The following SSR3 variants were observed in gnomAD, a reference collection of about 807,000 sequenced individuals.
SSR3 encodes translocon-associated protein subunit gamma.
A neutral mutation model predicts 22.1 loss-of-function variants in SSR3; 10 were observed. That is an observed-to-expected ratio of 0.45 (90% confidence interval 0.28 to 0.77). The LOEUF (loss-of-function observed/expected upper bound fraction) is 0.77, where lower values mean the gene tolerates loss of function less well. Ranked by LOEUF, SSR3 falls within the 30% of genes least tolerant of loss-of-function variation. SSR3 has a pLI of 0.13. For synonymous variants in SSR3, 104 were observed against 82.5 expected (o/e 1.26, Z -1.42); for missense variants, 181 against 220.5 (o/e 0.82, Z 1.13).
intron 4 of SSR3, 58 bp from the exon 5 acceptor site, chr3:156,543,327 A>G: frequency 2.2e-6 from 3 of 1,345,554 alleles, no homozygotes; most frequent in South Asian, 2.4e-5. Flanking sequence ...TTTTTGAGAA[A>G]ATAAAGAGCC....
intron 4 of SSR3, 80 bp downstream of exon 4, chr3:156,544,228 A>ATGG (rs1719676881): frequency 7.4e-7 from 1 of 1,347,732 alleles, no homozygotes; most frequent in African/African-American, 1.5e-5. Flanking sequence ...CTTTCCACTA[A>ATGG]AATATCCAGA....
At chr3:156,548,367 C>G (rs548661877) in intron 3 of SSR3, among the ~76,000 whole-genome samples, 9 of 152,324 alleles carry the variant, frequency 5.9e-5, no homozygotes, top group Non-Finnish European at 1.2e-4. Context: ...TATGGGATAT[C>G]CCTCGGGAAG....
chr3:156,548,449 T>A (rs1237842559), intron 3 of SSR3, among the ~76,000 whole-genome samples: 1 of 152,218 alleles, frequency 6.6e-6, no homozygotes, highest in African/African-American at 2.4e-5. Context: ...GGTTAGGCGA[T>A]ATGTTCAAGG....
At chr3:156,548,752 A>G (rs1719846228) in intron 3 of SSR3, 153 bp downstream of exon 3, 1 of 889,580 alleles carries the variant, frequency 1.1e-6, no homozygotes, top group Non-Finnish European at 1.7e-6. Context: ...AAAACTCTAA[A>G]AGTCAGCTAT....
At chr3:156,553,954 T>G (rs1287543065) in intron 1 of SSR3, 173 bp from the exon 2 acceptor site, 1 of 524,234 alleles carries the variant, frequency 1.9e-6, no homozygotes, top group African/African-American at 2.0e-5. Context: ...AACAGTATAG[T>G]CTCAAGCTTT....
At chr3:156,554,531 C>T (rs1468978940) in intron 1 of SSR3, among the ~76,000 whole-genome samples, 2 of 152,194 alleles carry the variant, frequency 1.3e-5, no homozygotes, top group African/African-American at 2.4e-5. Context: ...ACTTATAATT[C>T]AGTGGGTCAC....
rs1444751926 is a variant in SSR3 at position 156,555,068 on chromosome 3, TGGAGCTGCCTTTAGGAGCCATGGC to T, written c.-3_21del. 6.2e-7 allele frequency: 1 copy of T among 1,613,878 alleles called. No homozygotes were observed. Among genetic ancestry groups the T allele is most frequent in the Non-Finnish European group, 8.5e-7 (1 of 1,179,934 alleles). On this transcript the variant is annotated start_lost and 5_prime_UTR_variant, in exon 1 of 5. Transcript: ENST00000265044. ...AGCAGGTCCTCCTCAGACTGCTGTT[TGGAGCTGCCTTTAGGAGCCATGGC>T]GGAGCTGCAGGCGAGAACAGGGAAC...
At chr3:156,548,865 C>G (rs768176256) in intron 3 of SSR3, 40 bp downstream of exon 3, 49 of 1,594,980 alleles carry the variant, frequency 3.1e-5, no homozygotes, top group Non-Finnish European at 3.9e-5. Context: ...CTTCAAAGTA[C>G]CCCCTTTTAT....
rs1719588858 is a variant in SSR3, at chr3:156,542,452, A to G, written c.*751T>C. On this transcript the variant is annotated 3_prime_UTR_variant, in exon 5 of 5. Transcript: ENST00000265044. ...AGGGTGTGAGACCCTGGTCAAGGAA[A>G]ACAGTGATTCCTGTGTCTTAGTAAG... 1 of 152,244 alleles carries G rather than the reference A, an allele frequency of 6.6e-6. No homozygotes were observed. The highest frequency in any genetic ancestry group is 6.5e-5 in the Admixed American group (1 of 15,288). The allele number at this position is 152,244 out of a possible 1,614,324, so 9.4% of individuals were successfully genotyped here.
chr3:156,543,761 G>A (rs1227533512), intron 4 of SSR3, among the ~76,000 whole-genome samples: 4 of 152,176 alleles, frequency 2.6e-5, no homozygotes, highest in South Asian at 2.1e-4. Flanking sequence ...GAAGGTACAC[G>A]TTGGAGGGTA....
intron 1 of SSR3, chr3:156,554,713 G>C (rs1025548397): frequency 1.9e-6 from 1 of 523,170 alleles, no homozygotes; most frequent in East Asian, 3.3e-5. Flanking sequence ...CTTCTCCTGG[G>C]GTGGAGCTCG....
chr3:156,542,065 C>T lies in SSR3; in HGVS notation c.*1138G>A, dbSNP rs187979586. On this transcript the variant is annotated 3_prime_UTR_variant, in exon 5 of 5. Transcript: ENST00000265044. ...GTAGGAAATTACTGAATGACAACTG[C>T]TATCACCTGTGATTTCATATCCTTT... The T allele has an allele frequency of 1.3e-5, 2 of 152,316 alleles. No homozygotes were observed. Among genetic ancestry groups the T allele is most frequent in the Admixed American group, 1.3e-4 (2 of 15,306 alleles). 9.4% of individuals were successfully genotyped at this position (152,316 alleles called of 1,614,324 possible).
chr3:156,541,171 T>C lies in SSR3; in HGVS notation c.*2032A>G, dbSNP rs1719472642. On this transcript the variant is annotated 3_prime_UTR_variant, in exon 5 of 5. Transcript: ENST00000265044. ...CTGATACCCCTATTTCACCACCTCA[T>C]CTAAGCTACACTGTATTATACCAAG... 1.3e-5 allele frequency: 2 copies of C among 152,206 alleles called. No individual in the cohort carries two copies. Among genetic ancestry groups the C allele is most frequent in the African/African-American group, 4.8e-5 (2 of 41,452 alleles). 9.4% of individuals were successfully genotyped at this position (152,206 alleles called of 1,614,324 possible). A position where few individuals can be genotyped will look rare whatever the true frequency, so the allele number is the denominator to read the frequency against.
Position 156,542,712 on chromosome 3 carries a change from T to C in SSR3, c.*491A>G, listed in dbSNP as rs946136956. ...TAGAGAAATCATGTTTTTAATTTTG[T>C]GTTATTTCAGATCACAAATTCAAAC... On this transcript the variant is annotated 3_prime_UTR_variant, in exon 5 of 5. Coordinates refer to ENST00000265044, the MANE Select transcript of SSR3 (RefSeq NM_007107.5). 1 of 153,090 alleles carries C rather than the reference T, an allele frequency of 6.5e-6. No homozygotes were observed. 9.5% of individuals were successfully genotyped at this position (153,090 alleles called of 1,614,324 possible). A position where few individuals can be genotyped will look rare whatever the true frequency, so the allele number is the denominator to read the frequency against.
intron 2 of SSR3, 164 bp from the exon 3 acceptor site, chr3:156,549,167 C>A: frequency 1.6e-6 from 1 of 611,816 alleles, no homozygotes. Flanking sequence ...TTACACTGCA[C>A]TAGCCAAAAG....
At chr3:156,550,664 G>C (rs10513493) in intron 2 of SSR3, among the ~76,000 whole-genome samples, 23,353 of 152,148 alleles carry the variant, frequency 0.15, 1,926 homozygotes, top group Middle Eastern at 0.19. Context: ...CAGTATGTCA[G>C]AACACTTCCA....
intron 3 of SSR3, among the ~76,000 whole-genome samples, chr3:156,545,735 C>T (rs1719736761): frequency 6.6e-6 from 1 of 152,178 alleles, no homozygotes; most frequent in Non-Finnish European, 1.5e-5. Context: ...AAGGGAAGGA[C>T]ATTAAGTGCA....
Position 156,543,113 on chromosome 3 carries a change from C to A in SSR3, c.*90G>T. On this transcript the variant is annotated 3_prime_UTR_variant, in exon 5 of 5. Coordinates refer to ENST00000265044, the MANE Select transcript of SSR3 (RefSeq NM_007107.5). The stretch of plus-strand genomic sequence containing the variant: ...TAAAGGCTCTAGACTATAAAAACAT[C>A]TTGTGTCTCCCACCCTGACCACCCT... The A allele has an allele frequency of 1.8e-6, 2 of 1,120,718 alleles. No homozygotes were observed. Among genetic ancestry groups the A allele is most frequent in the Non-Finnish European group, 1.3e-6 (1 of 758,670 alleles). The allele number at this position is 1,120,718 out of a possible 1,614,324, so 69.4% of individuals were successfully genotyped here.
intron 4 of SSR3, among the ~76,000 whole-genome samples, 167 bp from the exon 5 acceptor site, chr3:156,543,436 C>CA (rs146128390): frequency 0.13 from 19,413 of 149,088 alleles, 1,284 homozygotes; most frequent in East Asian, 0.22. Context: ...GACAGAAGAC[C>CA]AAAAAAAAAT....
Sources: gnomAD v4.1 joint callset for allele counts (sites outside exome capture counted in the v4.1 genomes callset) on GRCh38, gnomAD v4.1.1 for gene constraint, MANE v1.5 for transcripts, NCBI Gene and HGNC (gene_info 2026-07-23, HGNC 2026-07-21) for gene names.